The following FARP2 variants were observed in gnomAD, a reference collection of about 807,000 sequenced individuals.
The protein encoded by FARP2 is FERM, ARHGEF and pleckstrin domain-containing protein 2.
FARP2 carries 111 observed loss-of-function variants against 130.5 expected under a neutral mutation model. That is an observed-to-expected ratio of 0.85 (90% CI 0.73 to 1.00). The LOEUF is 1.00. Ranked by LOEUF, FARP2 falls within the 50% of genes least tolerant of loss-of-function variation. FARP2 has a pLI of 0.00. For synonymous variants in FARP2, 504 were observed against 516.9 expected (o/e 0.98, Z 0.34); for missense variants, 1,385 against 1,346.3 (o/e 1.03, Z -0.45).
intron 10 of FARP2, 110 bp downstream of exon 10, chr2:241,434,431 A>G: frequency 3.8e-6 from 3 of 789,372 alleles, no homozygotes; most frequent in Non-Finnish European, 5.7e-6. Flanking sequence ...AGAGAATTAC[A>G]CACAAAGTGG....
At chr2:241,465,805 A>G (rs1337219414) in intron 17 of FARP2, 5 of 1,547,788 alleles carry the variant, frequency 3.2e-6, no homozygotes, top group Non-Finnish European at 4.4e-6. Context: ...CTTCTACCCA[A>G]TCCTGCGAGA....
intron 12 of FARP2, 98 bp downstream of exon 12, chr2:241,436,636 C>A: frequency 1.0e-6 from 1 of 996,626 alleles, no homozygotes; most frequent in Non-Finnish European, 1.6e-6. Flanking sequence ...TAAAATTAAT[C>A]ATATTATTTA....
chr2:241,373,240 C>G lies in FARP2; in HGVS notation c.133C>G (p.His45Asp). 6.4e-7 allele frequency: 1 copy of G among 1,553,560 alleles called. No homozygotes were observed. The highest frequency in any genetic ancestry group is 8.7e-7 in the Non-Finnish European group (1 of 1,143,106). ...GCCCAGAATGCAAGAGAAGCACCTG[C>G]ACCTCAGAGTAAAGCTGCTGGACAA... ...LLPRMQEKHL[H>D]LRVKLLDNTM... Residue 45 changes from histidine (H) to aspartate (D), a missense_variant, in exon 2 of 27, where the codon CAC (histidine) becomes GAC (aspartate). Transcript: ENST00000264042.
At chr2:241,434,569 G>A (rs918002991) in intron 10 of FARP2, among the ~76,000 whole-genome samples, 1 of 152,150 alleles carries the variant, frequency 6.6e-6, no homozygotes, top group African/African-American at 2.4e-5. Context: ...ATATGTATGT[G>A]GGCCGAGCCC....
Position 241,404,799 on chromosome 2 carries a change from A to C in FARP2, c.289A>C (p.Ile97Leu). ...ATTTCTTCTGTTAACTCTTCTTTAGATTTGGCTTGAACCTATGAAACCCAT... is the reference window on the plus strand; with the variant it reads ...ATTTCTTCTGTTAACTCTTCTTTAGCTTTGGCTTGAACCTATGAAACCCAT... ...MEFQNTQSYW[I>L]WLEPMKPIIR... The change falls in exon 4 of 27, where the codon ATT becomes CTT. Residue 97 changes from isoleucine (I) to leucine (L), a missense_variant and splice_region_variant. Transcript: ENST00000264042. 1 of 1,604,518 alleles carries C rather than the reference A, an allele frequency of 6.2e-7. No homozygotes were observed. Among genetic ancestry groups the C allele is most frequent in the East Asian group, 2.2e-5 (1 of 44,778 alleles).
intron 1 of FARP2, among the ~76,000 whole-genome samples, chr2:241,358,170 C>G (rs1559695975): frequency 6.6e-6 from 1 of 152,144 alleles, no homozygotes; most frequent in South Asian, 2.1e-4. Context: ...TCCTGGGCGA[C>G]AGAGCGAGAC....
intron 2 of FARP2, among the ~76,000 whole-genome samples, chr2:241,381,281 A>T (rs2061657767): frequency 6.6e-6 from 1 of 151,482 alleles, no homozygotes. Flanking sequence ...AGTGCCCAAA[A>T]CCTTTTAGAC....
At chr2:241,370,990 C>T (rs1278115192) in intron 1 of FARP2, among the ~76,000 whole-genome samples, 2 of 152,166 alleles carry the variant, frequency 1.3e-5, no homozygotes, top group Non-Finnish European at 2.9e-5. Flanking sequence ...AGGATGGGAC[C>T]TTGCACTGCC....
intron 2 of FARP2, among the ~76,000 whole-genome samples, chr2:241,390,250 C>T (rs1174228447): frequency 6.6e-6 from 1 of 152,188 alleles, no homozygotes; most frequent in Non-Finnish European, 1.5e-5. Flanking sequence ...CCTACTTTTG[C>T]TGAAAATAGA....
chr2:241,434,308 T>C lies in FARP2; in HGVS notation c.1018T>C (p.Ser340Pro). 6.2e-7 allele frequency: 1 copy of C among 1,611,970 alleles called. No individual in the cohort carries two copies. The highest frequency in any genetic ancestry group is 1.1e-5 in the South Asian group (1 of 90,536). The change falls in exon 10 of 27, where the codon TCC becomes CCC. Residue 340 changes from serine (S) to proline (P), a missense_variant. Coordinates refer to ENST00000264042, the MANE Select transcript of FARP2 (RefSeq NM_014808.4). Reference sequence around the variant, plus strand: ...AGCCGTCTTCTTCAGCCGGGGCTCCTCCTTCAGATACAGGTAGGGGCCATG... The same window carrying C: ...AGCCGTCTTCTTCAGCCGGGGCTCCCCCTTCAGATACAGGTAGGGGCCATG... ...AKAVFFSRGS[S>P]FRYSGRTQKQ...
chr2:241,492,996 T>TC lies in FARP2; in HGVS notation c.2856dup (p.Phe953LeufsTer15), dbSNP rs754656081. Reference sequence around the variant, plus strand: ...CATGGCTGGCAGAAGCTCTGGGTCGTCTTTACCAACTTCTGTTTGTTCTTC... The same window carrying TC: ...CATGGCTGGCAGAAGCTCTGGGTCGTCCTTTACCAACTTCTGTTTGTTCTTC... On this transcript the variant is annotated frameshift_variant, in exon 25 of 27. Coordinates refer to ENST00000264042, the MANE Select transcript of FARP2 (RefSeq NM_014808.4). LOFTEE classifies it high-confidence loss of function. 4 of 1,611,876 alleles carry TC rather than the reference T, an allele frequency of 2.5e-6. No individual in the cohort carries two copies. The East Asian group carries it at 6.7e-5, about 27-fold the overall frequency.
chr2:241,480,979 G>A (rs75936830), intron 19 of FARP2, among the ~76,000 whole-genome samples: 8,293 of 151,254 alleles, frequency 0.055, 292 homozygotes, highest in Middle Eastern at 0.13. Flanking sequence ...AGCACTTTGG[G>A]AGGCCACGGC....
At chr2:241,379,693 C>T (rs146807173) in intron 2 of FARP2, among the ~76,000 whole-genome samples, 4 of 152,312 alleles carry the variant, frequency 2.6e-5, no homozygotes, top group East Asian at 3.9e-4. Context: ...TGCTCCCACA[C>T]GAACATCCTA....
intron 1 of FARP2, among the ~76,000 whole-genome samples, chr2:241,360,769 G>A (rs924308373): frequency 6.6e-6 from 1 of 151,750 alleles, no homozygotes; most frequent in Non-Finnish European, 1.5e-5. Flanking sequence ...GAAAAATAAC[G>A]TTTGTTAATT....
chr2:241,439,050 A>T (rs1422681670), intron 12 of FARP2, among the ~76,000 whole-genome samples: 1 of 151,498 alleles, frequency 6.6e-6, no homozygotes, highest in African/African-American at 2.4e-5. Flanking sequence ...TTTTGGAGAC[A>T]GGGTCTCACT....
chr2:241,492,871 C>A, intron 24 of FARP2, 58 bp from the exon 25 acceptor site: 1 of 1,013,164 alleles, frequency 9.9e-7, no homozygotes. Flanking sequence ...AGCAAACCCA[C>A]TCCCACAAGG....
intron 2 of FARP2, among the ~76,000 whole-genome samples, chr2:241,376,442 G>T (rs1182380761): frequency 6.6e-6 from 1 of 152,230 alleles, no homozygotes; most frequent in East Asian, 1.9e-4. Context: ...CCAGGATACA[G>T]CCTCTGGAAG....
chr2:241,403,714 A>C lies in FARP2; in HGVS notation c.184-114A>C, dbSNP rs887675468. 8.9e-6 allele frequency: 5 copies of C among 561,090 alleles called. No individual in the cohort carries two copies. In the Admixed American group the frequency reaches 9.9e-5, roughly 11 times the overall value. The allele number at this position is 561,090 out of a possible 1,614,324, so 34.8% of individuals were successfully genotyped here. A position where few individuals can be genotyped will look rare whatever the true frequency, so the allele number is the denominator to read the frequency against. ...TATAGTTTATAAATCTTAGTTATAC[A>C]CTGGAAGACAAAGTGATTTTATGTG... On this transcript the variant is annotated intron_variant, in intron 2 of 26. Transcript: ENST00000264042.
intron 8 of FARP2, among the ~76,000 whole-genome samples, chr2:241,423,127 T>C (rs1350404153): frequency 1.3e-5 from 2 of 151,998 alleles, no homozygotes; most frequent in Non-Finnish European, 2.9e-5. Context: ...AGTAAGATAC[T>C]CCACAAGAAG....
Sources: allele counts gnomAD v4.1 joint callset (sites outside exome capture counted in the v4.1 genomes callset), GRCh38; gene constraint gnomAD v4.1.1; transcripts MANE v1.5; gene names NCBI Gene and HGNC (gene_info 2026-07-23, HGNC 2026-07-21).